The following EXOC4 variants were observed in gnomAD, a reference collection of about 807,000 sequenced individuals.
EXOC4 encodes SEC8-like 1.
A neutral mutation model predicts 107.2 loss-of-function variants in EXOC4; 71 were observed. The observed-to-expected ratio is 0.66, with a 90% confidence interval of 0.55 to 0.81. The LOEUF (loss-of-function observed/expected upper bound fraction) is 0.81. Among genes scored for constraint, EXOC4 ranks in the 30% least tolerant of loss-of-function variants. The probability of loss-of-function intolerance (pLI) is 0.00; values close to 1 mark genes in which losing one functional copy is unlikely to be tolerated. For missense variants in EXOC4, 1,108 were observed against 1,189.6 expected (o/e 0.93, Z 1.01); for synonymous variants, 456 against 441.2 (o/e 1.03, Z -0.42).
intron 17 of EXOC4, among the ~76,000 whole-genome samples, chr7:134,058,732 A>G (rs1197792770): frequency 6.6e-6 from 1 of 152,234 alleles, no homozygotes; most frequent in Non-Finnish European, 1.5e-5. Context: ...CAAATGAGTC[A>G]GCGATAAAAA....
intron 10 of EXOC4, among the ~76,000 whole-genome samples, chr7:133,803,430 T>C (rs1292994508): frequency 6.6e-6 from 1 of 152,184 alleles, no homozygotes; most frequent in Non-Finnish European, 1.5e-5. Flanking sequence ...GAGTATAACA[T>C]ACTGGGCAGA....
chr7:133,470,358 A>G (rs1282664091), intron 7 of EXOC4, among the ~76,000 whole-genome samples: 1 of 152,204 alleles, frequency 6.6e-6, no homozygotes, highest in Non-Finnish European at 1.5e-5. Context: ...AAATCTCAAA[A>G]TTTTTGTCCT....
intron 16 of EXOC4, 66 bp downstream of exon 16, chr7:134,005,156 T>C: frequency 2.0e-6 from 3 of 1,494,188 alleles, no homozygotes; most frequent in Non-Finnish European, 2.7e-6. Flanking sequence ...CCTGATTTTC[T>C]GTATTACTGA....
chr7:133,978,411 G>A lies in EXOC4; in HGVS notation c.2207-19081G>A, dbSNP rs11770619. 2.6e-3 allele frequency among the ~76,000 whole-genome samples: 399 copies of A among 152,286 alleles called. 2 individuals are homozygous for A. The highest frequency in any genetic ancestry group is 2.4e-3 in the Non-Finnish European group (162 of 68,022). The stretch of plus-strand genomic sequence containing the variant: ...ATTAAAGGTAGCCCAGAGATCCTTG[G>A]TGACCCTTCATCTCACTACTTCCTG... On this transcript the variant is annotated intron_variant, in intron 14 of 17. Transcript: ENST00000253861.
chr7:133,412,279 T>TTTTG (rs1491383500), intron 7 of EXOC4, among the ~76,000 whole-genome samples: 4 of 16,154 alleles, frequency 2.5e-4, no homozygotes, highest in African/African-American at 8.5e-4. Flanking sequence ...CAGAATTCAG[T>TTTTG]TTTTTTTTTT....
intron 9 of EXOC4, among the ~76,000 whole-genome samples, chr7:133,561,361 C>A (rs1172003560): frequency 6.6e-6 from 1 of 152,198 alleles, no homozygotes; most frequent in Non-Finnish European, 1.5e-5. Context: ...TCTTCCACGT[C>A]TTCTCAAACC....
intron 11 of EXOC4, among the ~76,000 whole-genome samples, chr7:133,845,777 G>T (rs1040055028): frequency 6.6e-6 from 1 of 152,012 alleles, no homozygotes; most frequent in African/African-American, 2.4e-5. Flanking sequence ...CAGATTACAG[G>T]TTTATTTTAT....
In EXOC4 at chr7:133,851,249, CACAT is replaced by C. The variant is rs148096659; in HGVS notation, c.1734+33707_1734+33710del. ...TGGAAAAATCAAGTAAACCAGGAAA[CACAT>C]AAATAAGCAAGATGGTCTCTAGTAG... On this transcript the variant is annotated intron_variant, in intron 11 of 17. Transcript: ENST00000253861. 4.8e-3 allele frequency among the ~76,000 whole-genome samples: 737 copies of C among 152,256 alleles called. 3 individuals carry two copies. The highest frequency in any genetic ancestry group is 0.017 in the Middle Eastern group (5 of 294).
intron 7 of EXOC4, among the ~76,000 whole-genome samples, chr7:133,445,365 T>C (rs1798194717): frequency 6.6e-6 from 1 of 152,166 alleles, no homozygotes; most frequent in Non-Finnish European, 1.5e-5. Context: ...TAGGAAGATG[T>C]TGTACTCTTT....
At chr7:133,358,834 A>G (rs1246735276) in intron 6 of EXOC4, among the ~76,000 whole-genome samples, 1 of 151,874 alleles carries the variant, frequency 6.6e-6, no homozygotes, top group African/African-American at 2.4e-5. Context: ...AGTGGAAATT[A>G]TAGCACTAGA....
chr7:133,808,406 T>C (rs1797130811), intron 10 of EXOC4, among the ~76,000 whole-genome samples: 1 of 152,222 alleles, frequency 6.6e-6, no homozygotes, highest in Admixed American at 6.5e-5. Flanking sequence ...GAGTCCCTTG[T>C]AAATCATTTC....
intron 14 of EXOC4, among the ~76,000 whole-genome samples, chr7:133,986,111 T>C (rs1443191570): frequency 6.6e-6 from 1 of 152,230 alleles, no homozygotes; most frequent in Non-Finnish European, 1.5e-5. Context: ...TAGGACCTAA[T>C]CTGACTAATG....
chr7:133,734,539 C>A, intron 10 of EXOC4, among the ~76,000 whole-genome samples: 1 of 151,654 alleles, frequency 6.6e-6, no homozygotes, highest in East Asian at 1.9e-4. Flanking sequence ...ATTTTTCCCC[C>A]GGTTTCTGTA....
chr7:133,862,821 G>T (rs1289887655), intron 11 of EXOC4, among the ~76,000 whole-genome samples: 2 of 151,560 alleles, frequency 1.3e-5, no homozygotes, highest in South Asian at 2.1e-4. Flanking sequence ...TTTACATTTG[G>T]CAATGTGACA....
chr7:133,651,502 A>G (rs941650972), intron 10 of EXOC4, among the ~76,000 whole-genome samples: 1 of 152,204 alleles, frequency 6.6e-6, no homozygotes, highest in African/African-American at 2.4e-5. Flanking sequence ...TGTTGACTAT[A>G]ATGGAAATAG....
the EXOC4 span, among the ~76,000 whole-genome samples, chr7:134,072,821 T>C: frequency 6.6e-6 from 1 of 152,164 alleles, no homozygotes; most frequent in Admixed American, 6.5e-5. Context: ...CCTGTCTGTT[T>C]CTTTGAGGAG....
chr7:134,092,647 G>C, the EXOC4 span, among the ~76,000 whole-genome samples: 1 of 152,104 alleles, frequency 6.6e-6, no homozygotes, highest in Non-Finnish European at 1.5e-5. Context: ...ATCTTTTCCA[G>C]ACAAGAAAGT....
At chr7:133,817,161 A>C (rs975434349) in intron 10 of EXOC4, among the ~76,000 whole-genome samples, 164 bp from the exon 11 acceptor site, 2 of 152,122 alleles carry the variant, frequency 1.3e-5, no homozygotes, top group Non-Finnish European at 2.9e-5. Flanking sequence ...TTAGTGGAGT[A>C]ATTTAGATTT....
intron 11 of EXOC4, among the ~76,000 whole-genome samples, chr7:133,831,146 G>A (rs1205659785): frequency 6.6e-6 from 1 of 152,104 alleles, no homozygotes; most frequent in Non-Finnish European, 1.5e-5. Context: ...TGTATTTTTA[G>A]TAGAGACGGG....
Sources: gnomAD v4.1 joint callset for allele counts (sites outside exome capture counted in the v4.1 genomes callset) on GRCh38, gnomAD v4.1.1 for gene constraint, MANE v1.5 for transcripts, NCBI Gene and HGNC (gene_info 2026-07-23, HGNC 2026-07-21) for gene names.